The following MMP16 variants were observed in gnomAD, a reference collection of about 807,000 sequenced individuals.
MMP16 encodes matrix metallopeptidase 16.
MMP16 carries 12 observed loss-of-function variants against 67.8 expected under a neutral mutation model. The ratio of observed to expected loss-of-function variants is 0.18; its 90% CI spans 0.11 to 0.29. The LOEUF (loss-of-function observed/expected upper bound fraction) is 0.29. MMP16 is among the 10% of genes least tolerant of loss of function. The pLI, the probability that MMP16 is intolerant of heterozygous loss-of-function variation, is 1.00. For missense variants in MMP16, 475 were observed against 765.7 expected, an observed-to-expected ratio of 0.62 and a Z score of 4.48; for synonymous variants, 249 against 255.9, an observed-to-expected ratio of 0.97 and a Z score of 0.26.
At chr8:88,132,527 CCTG>C (rs1302584650) in intron 4 of MMP16, among the ~76,000 whole-genome samples, 2 of 151,836 alleles carry the variant, frequency 1.3e-5, no homozygotes, top group Non-Finnish European at 2.9e-5. Flanking sequence ...AGCTTTGGAT[CCTG>C]CTATCTGTTG....
intron 1 of MMP16, among the ~76,000 whole-genome samples, chr8:88,288,937 C>T (rs191415117): frequency 5.9e-5 from 9 of 152,282 alleles, no homozygotes; most frequent in Admixed American, 5.9e-4. Context: ...ACAAATTCTG[C>T]CCCTGTAGGA....
chr8:88,282,224 AC>A (rs1018263669), intron 1 of MMP16, among the ~76,000 whole-genome samples: 4 of 151,796 alleles, frequency 2.6e-5, no homozygotes, highest in African/African-American at 9.7e-5. Context: ...ACAGGCGTGC[AC>A]CACCACACCC....
intron 1 of MMP16, among the ~76,000 whole-genome samples, chr8:88,314,249 A>G (rs768472323): frequency 4.6e-5 from 7 of 152,208 alleles, no homozygotes; most frequent in Non-Finnish European, 8.8e-5. Flanking sequence ...ATTTCAATAT[A>G]TCTTCCATAT....
At chr8:88,261,257 T>A (rs1810383879) in intron 1 of MMP16, among the ~76,000 whole-genome samples, 1 of 152,154 alleles carries the variant, frequency 6.6e-6, no homozygotes, top group South Asian at 2.1e-4. Flanking sequence ...AGATCTGTAC[T>A]GATTCTGGTT....
At chr8:88,142,565 C>T (rs1808229630) in intron 4 of MMP16, among the ~76,000 whole-genome samples, 1 of 151,852 alleles carries the variant, frequency 6.6e-6, no homozygotes, top group African/African-American at 2.4e-5. Flanking sequence ...AAAAAATTTA[C>T]ACAAAGATAT....
intron 1 of MMP16, among the ~76,000 whole-genome samples, chr8:88,230,833 C>T (rs758946921): frequency 6.6e-5 from 10 of 151,916 alleles, no homozygotes; most frequent in Non-Finnish European, 1.2e-4. Context: ...ACCTGCATAC[C>T]CATTATTCAT....
chr8:88,187,295 T>G (rs992260194), intron 2 of MMP16, among the ~76,000 whole-genome samples: 3 of 152,192 alleles, frequency 2.0e-5, no homozygotes, highest in African/African-American at 2.4e-5. Context: ...GCTTTTAATT[T>G]ATTAATCTTA....
chr8:88,197,963 A>G (rs574791878), intron 1 of MMP16, among the ~76,000 whole-genome samples: 19 of 152,292 alleles, frequency 1.2e-4, no homozygotes, highest in Middle Eastern at 3.4e-3. Context: ...TCACCTGTAG[A>G]AGAAATCCAG....
chr8:88,041,877 A>G lies in MMP16; in HGVS notation c.1490-82T>C. The G allele has an allele frequency of 3.9e-6, 4 of 1,032,988 alleles. No individual in the cohort carries two copies. In the South Asian group the frequency reaches 6.4e-5, roughly 16 times the overall value. The allele number at this position is 1,032,988 out of a possible 1,614,324, so 64.0% of individuals were successfully genotyped here. ...TAGAGAAATGTTACTAAAATAGGCTATGTCTTAAGAGATGTATTTTAAGGC... is the reference window on the plus strand; with the variant it reads ...TAGAGAAATGTTACTAAAATAGGCTGTGTCTTAAGAGATGTATTTTAAGGC... On this transcript the variant is annotated intron_variant, in intron 9 of 9. Coordinates refer to ENST00000286614, the MANE Select transcript of MMP16 (RefSeq NM_005941.5). This position sits in a 1 kb window ranked among gnomAD's most constrained non-coding sequence, Gnocchi z 6.0.
intron 4 of MMP16, among the ~76,000 whole-genome samples, chr8:88,159,274 A>T (rs1331967057): frequency 2.6e-5 from 4 of 152,036 alleles, no homozygotes; most frequent in South Asian, 4.2e-4. Flanking sequence ...CCATTTTCAC[A>T]ATATTGATTC....
chr8:88,262,729 G>A (rs1489634631), intron 1 of MMP16, among the ~76,000 whole-genome samples: 4 of 151,770 alleles, frequency 2.6e-5, no homozygotes, highest in African/African-American at 4.8e-5. Flanking sequence ...CAGGCTGGGT[G>A]CGGTGGCTCA....
At chr8:88,060,231 C>T (rs1345400689) in intron 7 of MMP16, among the ~76,000 whole-genome samples, 1 of 152,118 alleles carries the variant, frequency 6.6e-6, no homozygotes, top group Non-Finnish European at 1.5e-5. Flanking sequence ...AGCCTGTTGG[C>T]CAGAATCCTA....
intron 1 of MMP16, among the ~76,000 whole-genome samples, chr8:88,316,584 G>T (rs540824653): frequency 6.6e-6 from 1 of 152,262 alleles, no homozygotes; most frequent in East Asian, 1.9e-4. Context: ...AGGAAAAAGA[G>T]ATTCCTTTCA....
chr8:88,134,848 T>C (rs960732500), intron 4 of MMP16, among the ~76,000 whole-genome samples: 1 of 151,704 alleles, frequency 6.6e-6, no homozygotes, highest in Non-Finnish European at 1.5e-5. Flanking sequence ...CTGATATATG[T>C]AGGTTTATTT....
intron 1 of MMP16, among the ~76,000 whole-genome samples, chr8:88,204,794 T>C (rs1809400418): frequency 6.6e-6 from 1 of 152,222 alleles, no homozygotes. Context: ...GTGCCACACT[T>C]ACTCTCCTGA....
At chr8:88,189,296 T>G (rs915071973) in intron 2 of MMP16, among the ~76,000 whole-genome samples, 1 of 152,202 alleles carries the variant, frequency 6.6e-6, no homozygotes, top group Non-Finnish European at 1.5e-5. Context: ...AGATATCCTG[T>G]CATCAGCTCT....
chr8:88,129,149 A>G (rs1269901594), intron 4 of MMP16, among the ~76,000 whole-genome samples: 1 of 151,790 alleles, frequency 6.6e-6, no homozygotes, highest in African/African-American at 2.4e-5. Flanking sequence ...ATATATTTAC[A>G]TACATAGAAG....
chr8:88,214,340 A>G (rs1157511451), intron 1 of MMP16, among the ~76,000 whole-genome samples: 1 of 152,136 alleles, frequency 6.6e-6, no homozygotes, highest in African/African-American at 2.4e-5. Flanking sequence ...TCAAATTCCA[A>G]ATCTGAAAAT....
chr8:88,177,941 G>C (rs1808919125), intron 3 of MMP16, among the ~76,000 whole-genome samples: 6 of 151,416 alleles, frequency 4.0e-5, no homozygotes, highest in Admixed American at 3.3e-4. Context: ...ATATATATGA[G>C]ATAGTTTAAA....
Sources: gnomAD v4.1 joint callset for allele counts (sites outside exome capture counted in the v4.1 genomes callset) on GRCh38, gnomAD v4.1.1 for gene constraint, Gnocchi (gnomAD v3.1) non-coding constraint, MANE v1.5 for transcripts, NCBI Gene and HGNC (gene_info 2026-07-23, HGNC 2026-07-21) for gene names.